Variants in ULK4 observed in about 807,000 individuals in gnomAD.
ULK4 encodes the protein inactive serine/threonine-protein kinase ULK4.
In ULK4, 133 loss-of-function variants were observed where a neutral mutation model predicts 160.6. The observed-to-expected ratio is 0.83, with a 90% CI of 0.72 to 0.96. The LOEUF (loss-of-function observed/expected upper bound fraction) is 0.96. ULK4 is among the 40% of genes least tolerant of loss of function. ULK4 has a pLI of 0.00. For missense variants in ULK4, 1,580 were observed against 1,499.5 expected, an observed-to-expected ratio of 1.05 and a Z score of -0.89; for synonymous variants, 534 against 539.8, an observed-to-expected ratio of 0.99 and a Z score of 0.15.
At chr3:41,789,884 T>G (rs775946172) in intron 20 of ULK4, 41 bp from the exon 21 acceptor site, 1 of 1,461,276 alleles carries the variant, frequency 6.8e-7, no homozygotes, top group Non-Finnish European at 9.1e-7. Flanking sequence ...CAACTCCAAG[T>G]GCATCAATCA....
chr3:41,536,343 TTC>T (rs2086498172), intron 32 of ULK4, among the ~76,000 whole-genome samples: 1 of 147,024 alleles, frequency 6.8e-6, no homozygotes, highest in Non-Finnish European at 1.5e-5. Flanking sequence ...TGTTTCACAT[TTC>T]TGTTACTAGA....
At chr3:41,340,156 G>A (rs1401670853) in intron 35 of ULK4, among the ~76,000 whole-genome samples, 2 of 152,212 alleles carry the variant, frequency 1.3e-5, no homozygotes, top group Non-Finnish European at 2.9e-5. Flanking sequence ...TTTCTACTGT[G>A]TAAAAATTAT....
intron 30 of ULK4, among the ~76,000 whole-genome samples, chr3:41,624,994 T>C (rs2033432736): frequency 6.6e-6 from 1 of 152,236 alleles, no homozygotes; most frequent in South Asian, 2.1e-4. Flanking sequence ...TTGTTTTCTA[T>C]GACTTATGAA....
intron 19 of ULK4, among the ~76,000 whole-genome samples, chr3:41,800,733 A>T (rs1322670955): frequency 6.6e-6 from 1 of 152,234 alleles, no homozygotes; most frequent in East Asian, 1.9e-4. Context: ...ATCAGAGTGG[A>T]AAGATTGTCT....
intron 27 of ULK4, among the ~76,000 whole-genome samples, chr3:41,704,058 A>G (rs1256051921): frequency 6.6e-6 from 1 of 152,206 alleles, no homozygotes. Flanking sequence ...ATTCATTATT[A>G]CAGGCAATTC....
chr3:41,878,428 G>A (rs76915380), intron 17 of ULK4, among the ~76,000 whole-genome samples: 8,431 of 152,090 alleles, frequency 0.055, 422 homozygotes, highest in East Asian at 0.16. Context: ...CACTAGACAC[G>A]GAGATTTCTC....
In ULK4 at chr3:41,248,123, T is replaced by A. The variant is rs1391416440; in HGVS notation, c.3765-1131A>T. Among the ~76,000 whole-genome samples the A allele has an allele frequency of 2.6e-5, 4 of 152,282 alleles. No individual in the cohort carries two copies. In the East Asian group the frequency reaches 5.8e-4, roughly 22 times the overall value. Reference sequence around the variant, plus strand: ...TTTTTGGCTAAAAGGCAGCTATAGGTCCCTACTATGAGGAGACCCATAGCG... The same window carrying A: ...TTTTTGGCTAAAAGGCAGCTATAGGACCCTACTATGAGGAGACCCATAGCG... On this transcript the variant is annotated intron_variant, in intron 36 of 36. Transcript: ENST00000301831.
intron 35 of ULK4, among the ~76,000 whole-genome samples, chr3:41,282,054 G>A (rs550003366): frequency 9.9e-5 from 15 of 152,182 alleles, no homozygotes; most frequent in African/African-American, 2.4e-4. Context: ...ATTCACAATT[G>A]CTTCAAAGAG....
intron 35 of ULK4, among the ~76,000 whole-genome samples, chr3:41,389,240 G>C (rs1252885870): frequency 6.6e-6 from 1 of 152,144 alleles, no homozygotes; most frequent in African/African-American, 2.4e-5. Context: ...ACACTTTGCT[G>C]AAGTTGCCTA....
At position 41,856,512 on chromosome 3, in the gene ULK4, AATATATAT is replaced by A. The variant is rs376773321; in HGVS notation, c.1657-20549_1657-20542del. On this transcript the variant is annotated intron_variant, in intron 17 of 36. Coordinates refer to ENST00000301831, the MANE Select transcript of ULK4 (RefSeq NM_017886.4). ...GGACACATTAATAAATAAATAAATA[AATATATAT>A]ATATATATATATGTATGTATATATA... Among the ~76,000 whole-genome samples, 173 of 99,192 alleles carry A rather than the reference AATATATAT, an allele frequency of 1.7e-3. 2 individuals carry two copies. Among genetic ancestry groups the A allele is most frequent in the African/African-American group, 5.5e-3 (154 of 28,202 alleles). The allele number at this position is 99,192 out of a possible 152,430, so 65.1% of individuals were successfully genotyped here.
intron 35 of ULK4, among the ~76,000 whole-genome samples, chr3:41,315,986 T>TC (rs1381214776): frequency 6.6e-6 from 1 of 152,062 alleles, no homozygotes; most frequent in African/African-American, 2.4e-5. Flanking sequence ...GTCTGGGAGT[T>TC]CCCCAAATGA....
intron 30 of ULK4, among the ~76,000 whole-genome samples, chr3:41,639,745 A>G (rs1027248420): frequency 1.6e-4 from 25 of 152,164 alleles, no homozygotes; most frequent in Non-Finnish European, 1.6e-4. Context: ...AAATACATGT[A>G]TCTGTCAAAG....
intron 18 of ULK4, among the ~76,000 whole-genome samples, chr3:41,820,519 T>C (rs901289071): frequency 3.3e-5 from 5 of 152,018 alleles, no homozygotes; most frequent in Non-Finnish European, 7.4e-5. Context: ...CCTAAGCAAA[T>C]TGAAGCAAGA....
intron 32 of ULK4, among the ~76,000 whole-genome samples, chr3:41,506,935 C>T (rs2085414097): frequency 6.7e-6 from 1 of 148,590 alleles, no homozygotes; most frequent in Non-Finnish European, 1.5e-5. Context: ...GTAGGGGCAG[C>T]ACGACTCAAG....
In ULK4 at chr3:41,901,479, C is replaced by CTTTTTTTTTTTTT. The variant is rs566805860; in HGVS notation, c.1183-663_1183-651dup. Among the ~76,000 whole-genome samples the CTTTTTTTTTTTTT allele has an allele frequency of 5.3e-4, 12 of 22,546 alleles. 3 individuals carry two copies. Among genetic ancestry groups the CTTTTTTTTTTTTT allele is most frequent in the Non-Finnish European group, 8.7e-4 (5 of 5,742 alleles). 14.8% of individuals were successfully genotyped at this position (22,546 alleles called of 152,430 possible). On this transcript the variant is annotated intron_variant, in intron 12 of 36. Coordinates refer to ENST00000301831, the MANE Select transcript of ULK4 (RefSeq NM_017886.4). ...ACAGGCGTGAGCCACCACGCCCAGC[C>CTTTTTTTTTTTTT]TTTTTTTTTTTTTTTTTTTGAGATA...
chr3:41,908,830 C>A lies in ULK4; in HGVS notation c.1086-889G>T, dbSNP rs530394480. 5.9e-5 allele frequency among the ~76,000 whole-genome samples: 9 copies of A among 152,238 alleles called. No homozygotes were observed. In the East Asian group the frequency reaches 1.7e-3, roughly 29 times the overall value. On this transcript the variant is annotated intron_variant, in intron 11 of 36. Coordinates refer to ENST00000301831, the MANE Select transcript of ULK4 (RefSeq NM_017886.4). ...CTTCAGGGCCGAGTGCGGTGGCTTACTCCTGTAATCCCAGCACTTTGGGAG... is the reference window on the plus strand; with the variant it reads ...CTTCAGGGCCGAGTGCGGTGGCTTAATCCTGTAATCCCAGCACTTTGGGAG...
At chr3:41,515,857 T>C (rs914748138) in intron 32 of ULK4, among the ~76,000 whole-genome samples, 1 of 152,172 alleles carries the variant, frequency 6.6e-6, no homozygotes, top group African/African-American at 2.4e-5. Context: ...TAATTCCTTT[T>C]ATATGACATT....
Position 41,782,686 on chromosome 3 carries a change from T to C in ULK4, c.2193+6975A>G, listed in dbSNP as rs1466345068. 3.3e-5 allele frequency among the ~76,000 whole-genome samples: 5 copies of C among 152,294 alleles called. No homozygotes were observed. The East Asian group carries it at 9.7e-4, about 29-fold the overall frequency. On this transcript the variant is annotated intron_variant, in intron 21 of 36. Transcript: ENST00000301831. Reference sequence around the variant, plus strand: ...AGCTATTTGCAAGTACATATAAAACTACAGTGTTACATATAAACTACCAAA... The same window carrying C: ...AGCTATTTGCAAGTACATATAAAACCACAGTGTTACATATAAACTACCAAA...
rs35153974 is a variant in ULK4 at position 41,309,898 on chromosome 3, GAAA to G, written c.3679-60327_3679-60325del. On this transcript the variant is annotated intron_variant, in intron 35 of 36. Coordinates refer to ENST00000301831, the MANE Select transcript of ULK4 (RefSeq NM_017886.4). The stretch of plus-strand genomic sequence containing the variant: ...GTAAATCTAACCAATGCCTTTTAGG[GAAA>G]AAAAAAAAAATGACACATTTTAGAG... Among the ~76,000 whole-genome samples, 1,293 of 144,508 alleles carry G rather than the reference GAAA, an allele frequency of 8.9e-3. 26 individuals carry two copies. Among genetic ancestry groups the G allele is most frequent in the African/African-American group, 0.03 (1,215 of 40,346 alleles). The allele number at this position is 144,508 out of a possible 152,430, so 94.8% of individuals were successfully genotyped here.
Sources: gnomAD v4.1 joint callset for allele counts (sites outside exome capture counted in the v4.1 genomes callset) on GRCh38, gnomAD v4.1.1 for gene constraint, MANE v1.5 for transcripts, NCBI Gene and HGNC (gene_info 2026-07-23, HGNC 2026-07-21) for gene names.